Variants in KCNJ6 observed in about 807,000 individuals in gnomAD.
KCNJ6 encodes G protein-activated inward rectifier potassium channel 2.
A neutral mutation model predicts 34.2 loss-of-function variants in KCNJ6; 9 were observed. The observed-to-expected ratio is 0.26, with a 90% CI of 0.16 to 0.46. The LOEUF is 0.46. Among genes scored for constraint, KCNJ6 ranks in the 20% least tolerant of loss-of-function variants. The pLI is 1.00. For missense variants in KCNJ6, 236 were observed against 531.3 expected (o/e 0.44, Z 5.46); for synonymous variants, 196 against 207.1 (o/e 0.95, Z 0.46).
At chr21:37,799,770 T>C (rs1483131200) in intron 2 of KCNJ6, among the ~76,000 whole-genome samples, 1 of 152,228 alleles carries the variant, frequency 6.6e-6, no homozygotes. Flanking sequence ...CCTTGACTTA[T>C]ATATATTTAA....
intron 2 of KCNJ6, among the ~76,000 whole-genome samples, chr21:37,831,547 G>A (rs532756939): frequency 3.4e-4 from 45 of 133,218 alleles, no homozygotes; most frequent in Non-Finnish European, 5.8e-4. Context: ...AGACAGGGGT[G>A]GTGAAGGAAA....
chr21:37,696,773 C>A (rs956035095), intron 3 of KCNJ6, among the ~76,000 whole-genome samples: 2 of 152,102 alleles, frequency 1.3e-5, no homozygotes, highest in East Asian at 1.9e-4. Flanking sequence ...CTGCATCATG[C>A]CTACAGTTTA....
chr21:37,791,105 G>A (rs1404639674), intron 2 of KCNJ6, among the ~76,000 whole-genome samples: 1 of 152,184 alleles, frequency 6.6e-6, no homozygotes, highest in Non-Finnish European at 1.5e-5. Flanking sequence ...GCCCTGGGAG[G>A]GACCTTGTCC....
chr21:37,733,753 C>T (rs892931344), intron 2 of KCNJ6, among the ~76,000 whole-genome samples: 3 of 152,142 alleles, frequency 2.0e-5, no homozygotes, highest in South Asian at 4.1e-4. Flanking sequence ...AGGCAGGTTT[C>T]GGTTGATGGG....
rs370837905 is a variant in KCNJ6, at chr21:37,717,688, G to A, written c.26-2557C>T. Among the ~76,000 whole-genome samples, 62 of 152,374 alleles carry A rather than the reference G, an allele frequency of 4.1e-4. 2 individuals are homozygous for A. The highest frequency in any genetic ancestry group is 3.7e-3 in the East Asian group (19 of 5,184). ...GGAGACCTTGTCTGCAGAGCCCTGCGAAGGGTCCAGCAGGCCTGGTGTATA... is the reference window on the plus strand; with the variant it reads ...GGAGACCTTGTCTGCAGAGCCCTGCAAAGGGTCCAGCAGGCCTGGTGTATA... On this transcript the variant is annotated intron_variant, in intron 2 of 3. Transcript: ENST00000609713.
intron 1 of KCNJ6, among the ~76,000 whole-genome samples, chr21:37,895,748 G>A (rs954172571): frequency 2.0e-5 from 3 of 152,172 alleles, no homozygotes; most frequent in East Asian, 1.9e-4. Flanking sequence ...GGGCTTCAGA[G>A]CCATCTCCCT....
At chr21:37,725,111 C>G (rs985681321) in intron 2 of KCNJ6, among the ~76,000 whole-genome samples, 1 of 151,798 alleles carries the variant, frequency 6.6e-6, no homozygotes, top group Non-Finnish European at 1.5e-5. Flanking sequence ...GCAATAAATA[C>G]CCCAACAGAA....
intron 1 of KCNJ6, among the ~76,000 whole-genome samples, chr21:37,841,454 A>T (rs1369028661): frequency 6.6e-6 from 1 of 152,188 alleles, no homozygotes; most frequent in South Asian, 2.1e-4. Flanking sequence ...GCCCACTATT[A>T]TTATACTTTT....
chr21:37,732,923 C>T (rs2054893136), intron 2 of KCNJ6, among the ~76,000 whole-genome samples: 1 of 152,164 alleles, frequency 6.6e-6, no homozygotes, highest in African/African-American at 2.4e-5. Flanking sequence ...GGTAGCTCCA[C>T]CTGGTACCAG....
chr21:37,627,122 C>T (rs2054314715), intron 3 of KCNJ6, among the ~76,000 whole-genome samples: 1 of 152,192 alleles, frequency 6.6e-6, no homozygotes, highest in Non-Finnish European at 1.5e-5. Context: ...AACATTCCTG[C>T]AGCACTGCAT....
chr21:37,751,055 C>T (rs945842394), intron 2 of KCNJ6, among the ~76,000 whole-genome samples: 1 of 152,130 alleles, frequency 6.6e-6, no homozygotes, highest in African/African-American at 2.4e-5. Context: ...ATTTGAGTTC[C>T]ATGATGTCTT....
chr21:37,816,098 C>T (rs1274955729), intron 2 of KCNJ6, among the ~76,000 whole-genome samples: 1 of 152,174 alleles, frequency 6.6e-6, no homozygotes, highest in Non-Finnish European at 1.5e-5. Context: ...GGGGCCGAGA[C>T]CAGAGCAGTG....
intron 2 of KCNJ6, among the ~76,000 whole-genome samples, chr21:37,784,302 A>C (rs1308999416): frequency 6.6e-6 from 1 of 152,044 alleles, no homozygotes; most frequent in Non-Finnish European, 1.5e-5. Flanking sequence ...CCAGCCCCAC[A>C]AGTTAAAGTC....
At position 37,617,186 on chromosome 21, in the gene KCNJ6, TTCC is replaced by T; in HGVS notation, c.*7970_*7972del. 1 of 138,598 alleles carries T rather than the reference TTCC, an allele frequency of 7.2e-6. No homozygotes were observed. The highest frequency in any genetic ancestry group is 7.3e-5 in the Admixed American group (1 of 13,766). The allele number at this position is 138,598 out of a possible 1,614,324, so 8.6% of individuals were successfully genotyped here. ...TTATCTTTTTTCCTTCCTTCCTTCC[TTCC>T]TTCCTTCCTTCCTTCCTTCCTTCCT... On this transcript the variant is annotated 3_prime_UTR_variant, in exon 4 of 4. Coordinates refer to ENST00000609713, the MANE Select transcript of KCNJ6 (RefSeq NM_002240.5).
At chr21:37,782,030 C>T (rs371075223) in intron 2 of KCNJ6, among the ~76,000 whole-genome samples, 14 of 152,240 alleles carry the variant, frequency 9.2e-5, no homozygotes, top group East Asian at 1.9e-4. Flanking sequence ...GGAGATTATC[C>T]GGGATTACCC....
intron 1 of KCNJ6, among the ~76,000 whole-genome samples, chr21:37,845,379 G>A (rs923312967): frequency 4.6e-5 from 7 of 152,308 alleles, no homozygotes; most frequent in East Asian, 1.9e-4. Context: ...TTGGATGTTC[G>A]TAGAGAGAGT....
At chr21:37,773,681 GC>G (rs2055128545) in intron 2 of KCNJ6, among the ~76,000 whole-genome samples, 1 of 152,042 alleles carries the variant, frequency 6.6e-6, no homozygotes, top group South Asian at 2.1e-4. Context: ...TTCTCTAACT[GC>G]CCCAATGTGG....
intron 2 of KCNJ6, among the ~76,000 whole-genome samples, chr21:37,819,568 T>C (rs1249257377): frequency 1.3e-5 from 2 of 152,186 alleles, no homozygotes; most frequent in African/African-American, 4.8e-5. Context: ...TGCCCAGTCA[T>C]GTGACAGGTA....
chr21:37,897,705 C>T (rs565466497), intron 1 of KCNJ6, among the ~76,000 whole-genome samples: 40 of 152,316 alleles, frequency 2.6e-4, no homozygotes, highest in African/African-American at 7.9e-4. Context: ...CTGCATCCAT[C>T]AGGGAAGTCT....
Sources: gnomAD v4.1 joint callset for allele counts (sites outside exome capture counted in the v4.1 genomes callset) on GRCh38, gnomAD v4.1.1 for gene constraint, MANE v1.5 for transcripts, NCBI Gene and HGNC (gene_info 2026-07-23, HGNC 2026-07-21) for gene names.